The following OGFOD2 variants were observed in gnomAD, a reference collection of about 807,000 sequenced individuals.
The protein encoded by OGFOD2 is 2-oxoglutarate and iron-dependent oxygenase domain-containing protein 2.
Under a neutral mutation model 31.1 loss-of-function variants are expected in OGFOD2, and 34 were observed. The ratio of observed to expected loss-of-function variants is 1.09; its 90% CI spans 0.83 to 1.45. The LOEUF is 1.45. OGFOD2 is among the 40% of genes most tolerant of loss of function. The pLI is 0.00. For synonymous variants in OGFOD2, 240 were observed against 192.3 expected, an observed-to-expected ratio of 1.25 and a Z score of -2.05; for missense variants, 537 against 433.9, an observed-to-expected ratio of 1.24 and a Z score of -2.11.
intron 2 of OGFOD2, chr12:122,976,393 A>G (rs2037431929): frequency 1.2e-6 from 2 of 1,613,836 alleles, no homozygotes; most frequent in Admixed American, 1.7e-5. Context: ...GTGGGCCCAG[A>G]TGGTTGAGGT....
In OGFOD2 at chr12:122,977,075, AC is replaced by A; in HGVS notation, c.403+107del. 4 of 1,092,730 alleles carry A rather than the reference AC, an allele frequency of 3.7e-6. No homozygotes were observed. In the South Asian group the frequency reaches 3.9e-5, roughly 11 times the overall value. The allele number at this position is 1,092,730 out of a possible 1,614,324, so 67.7% of individuals were successfully genotyped here. On this transcript the variant is annotated intron_variant, in intron 4 of 6. Coordinates refer to ENST00000228922, the Ensembl canonical transcript of OGFOD2. ...CCAGCCACCATCTCTGCCTCCAAAA[AC>A]CAAACCAGCAGGAGCTGGAAGGGTC...
chr12:122,979,733 C>T (rs567246926), exon 7 of OGFOD2: 2 of 224,732 alleles, frequency 8.9e-6, no homozygotes, highest in Non-Finnish European at 1.8e-5. Context: ...AGACACTTAT[C>T]TCCAGGGCAG....
intron 1 of OGFOD2, 91 bp downstream of exon 1, chr12:122,975,474 C>A: frequency 1.7e-6 from 1 of 599,030 alleles, no homozygotes; most frequent in South Asian, 1.9e-5. Context: ...GCTTTGCGCA[C>A]GCCGCGCACC....
chr12:122,979,239 C>G (rs773481391), exon 7 of OGFOD2: 2 of 1,612,914 alleles, frequency 1.2e-6, no homozygotes, highest in Non-Finnish European at 1.7e-6. Flanking sequence ...GCGCAACAGC[C>G]TCTGTCCCAT....
chr12:122,976,570 G>A (rs117913606), intron 2 of OGFOD2, 84 bp from the exon 3 acceptor site: 107,797 of 1,304,292 alleles, frequency 0.083, 5,430 homozygotes, highest in Non-Finnish European at 0.1. Context: ...CCTGTCTGGC[G>A]TTCTGGGCTT....
At chr12:122,979,688 G>A (rs371453887) in exon 7 of OGFOD2, 21 of 303,676 alleles carry the variant, frequency 6.9e-5, no homozygotes, top group South Asian at 5.4e-4. Flanking sequence ...ACTGGCTCCT[G>A]GATGAGGGGG....
intron 4 of OGFOD2, 137 bp from the exon 5 acceptor site, chr12:122,978,305 T>G: frequency 9.2e-7 from 1 of 1,091,250 alleles, no homozygotes; most frequent in Admixed American, 2.6e-5. Context: ...TCATGTTACT[T>G]CCTTAAGTCA....
chr12:122,979,521 G>GT, exon 7 of OGFOD2: 1 of 819,514 alleles, frequency 1.2e-6, no homozygotes, highest in Non-Finnish European at 1.8e-6. Context: ...CAGAAGCAGG[G>GT]TCTGGAATGG....
chr12:122,977,093 G>A (rs759328106), intron 4 of OGFOD2, 123 bp downstream of exon 4: 1 of 894,680 alleles, frequency 1.1e-6, no homozygotes, highest in South Asian at 1.4e-5. Context: ...AGCAGGAGCT[G>A]GAAGGGTCAG....
At position 122,975,801 on chromosome 12, in the gene OGFOD2, C is replaced by T; in HGVS notation, c.133-10C>T. ...CATACAGTCATGCTCAGTGTTCTTTCTGCTCCCAGATCCTGCGCAGCCGAG... is the reference window on the plus strand; with the variant it reads ...CATACAGTCATGCTCAGTGTTCTTTTTGCTCCCAGATCCTGCGCAGCCGAG... On this transcript the variant is annotated splice_polypyrimidine_tract_variant and intron_variant, in intron 1 of 6. Transcript: ENST00000228922. 1 of 702,898 alleles carries T rather than the reference C, an allele frequency of 1.4e-6. No homozygotes were observed. Among genetic ancestry groups the T allele is most frequent in the South Asian group, 1.5e-5 (1 of 67,604 alleles). 43.5% of individuals were successfully genotyped at this position (702,898 alleles called of 1,614,324 possible).
At position 122,978,743 on chromosome 12, in the gene OGFOD2, C is replaced by A; in HGVS notation, c.532-10C>A. The A allele has an allele frequency of 6.2e-7, 1 of 1,603,638 alleles. No individual in the cohort carries two copies. The highest frequency in any genetic ancestry group is 1.3e-5 in the African/African-American group (1 of 74,880). ...TAGTTTCCTTGCTGACCCCAGGAAT[C>A]CCCTCCCAGGTGCTGCTGCACGAGC... is the stretch of plus-strand genomic sequence containing the variant. On this transcript the variant is annotated splice_polypyrimidine_tract_variant and intron_variant, in intron 5 of 6. Transcript: ENST00000228922.
In OGFOD2 at chr12:122,976,602, G is replaced by C. The variant is rs552492787; in HGVS notation, c.190-52G>C. The C allele has an allele frequency of 2.9e-6, 4 of 1,369,810 alleles. No individual in the cohort carries two copies. The African/African-American group carries it at 4.2e-5, about 15-fold the overall frequency. 84.9% of individuals were successfully genotyped at this position (1,369,810 alleles called of 1,614,324 possible). A position where few individuals can be genotyped will look rare whatever the true frequency, so the allele number is the denominator to read the frequency against. Reference sequence around the variant, plus strand: ...GCTTCAGTTTCTTCATCTGTACAGTGGCCTCAGGAGGATGGGAGGCCCCAC... The same window carrying C: ...GCTTCAGTTTCTTCATCTGTACAGTCGCCTCAGGAGGATGGGAGGCCCCAC... On this transcript the variant is annotated intron_variant, in intron 2 of 6. Coordinates refer to ENST00000228922, the Ensembl canonical transcript of OGFOD2.
rs746537398 is a variant in OGFOD2 at position 122,975,798 on chromosome 12, T to C, written c.133-13T>C. On this transcript the variant is annotated splice_polypyrimidine_tract_variant and intron_variant, in intron 1 of 6. Transcript: ENST00000228922. The stretch of plus-strand genomic sequence containing the variant: ...GGTCATACAGTCATGCTCAGTGTTC[T>C]TTCTGCTCCCAGATCCTGCGCAGCC... 10 of 702,766 alleles carry C rather than the reference T, an allele frequency of 1.4e-5. No individual in the cohort carries two copies. The South Asian group carries it at 1.5e-4, about 10-fold the overall frequency. The allele number at this position is 702,766 out of a possible 1,614,324, so 43.5% of individuals were successfully genotyped here.
rs1311523180 is a variant in OGFOD2 at position 122,975,806 on chromosome 12, C to G, written c.133-5C>G. 1 of 702,762 alleles carries G rather than the reference C, an allele frequency of 1.4e-6. No homozygotes were observed. Among genetic ancestry groups the G allele is most frequent in the African/African-American group, 1.7e-5 (1 of 57,238 alleles). 43.5% of individuals were successfully genotyped at this position (702,762 alleles called of 1,614,324 possible). ...AGTCATGCTCAGTGTTCTTTCTGCT[C>G]CCAGATCCTGCGCAGCCGAGGCTGT... is the stretch of plus-strand genomic sequence containing the variant. On this transcript the variant is annotated splice_polypyrimidine_tract_variant and splice_region_variant and intron_variant, in intron 1 of 6. Transcript: ENST00000228922.
chr12:122,977,198 G>A (rs539533528), intron 4 of OGFOD2: 7 of 574,446 alleles, frequency 1.2e-5, no homozygotes, highest in African/African-American at 3.7e-5. Context: ...CCCTTCCTTC[G>A]TGCCCTCATC....
chr12:122,975,756 G>C (rs1453200653), intron 1 of OGFOD2, 55 bp from the exon 2 acceptor site: 1 of 681,002 alleles, frequency 1.5e-6, no homozygotes, highest in African/African-American at 1.8e-5. Flanking sequence ...GGCTTAGAGA[G>C]TGAAGGGATT....
intron 1 of OGFOD2, 184 bp from the exon 2 acceptor site, chr12:122,975,627 G>T: frequency 3.3e-6 from 2 of 603,816 alleles, no homozygotes; most frequent in Non-Finnish European, 3.0e-6. Context: ...TCAGCTTGCC[G>T]CCTCACAGCA....
chr12:122,977,562 T>C (rs938629124), intron 4 of OGFOD2: 18 of 188,920 alleles, frequency 9.5e-5, no homozygotes, highest in Admixed American at 9.1e-4. Context: ...ATCTGTAAAA[T>C]GGGAGCAACA....
At position 122,979,070 on chromosome 12, in the gene OGFOD2, G is replaced by A. The variant is rs2037532503; in HGVS notation, c.790-13G>A. 21 of 1,597,716 alleles carry A rather than the reference G, an allele frequency of 1.3e-5. No homozygotes were observed. Among genetic ancestry groups the A allele is most frequent in the East Asian group, 4.5e-5 (2 of 44,554 alleles). The stretch of plus-strand genomic sequence containing the variant: ...AGCTGTGAGTGCCCAGGCCTGAGTC[G>A]TGCCATCTGCAGGCACCCACAGCCC... On this transcript the variant is annotated splice_polypyrimidine_tract_variant and intron_variant, in intron 6 of 6. Coordinates refer to ENST00000228922, the Ensembl canonical transcript of OGFOD2.
Sources: gnomAD v4.1 joint callset for allele counts on GRCh38, gnomAD v4.1.1 for gene constraint, MANE v1.5 for transcripts, NCBI Gene and HGNC (gene_info 2026-07-23, HGNC 2026-07-21) for gene names.